CC2D2A: variants seen among roughly 807,000 people sequenced by gnomAD.
CC2D2A encodes the protein coiled-coil and C2 domain-containing protein 2A.
In CC2D2A, 155 loss-of-function variants were observed where a neutral mutation model predicts 212.9. The observed-to-expected ratio is 0.73, with a 90% CI of 0.64 to 0.83. CC2D2A has a LOEUF of 0.83. Among genes scored for constraint, CC2D2A ranks in the 40% least tolerant of loss-of-function variants. The pLI is 0.00. For synonymous variants in CC2D2A, 667 were observed against 686.5 expected (o/e 0.97, Z 0.44); for missense variants, 1,856 against 1,956.2 (o/e 0.95, Z 0.97).
In CC2D2A at chr4:15,567,756, G is replaced by C. The variant is rs377404804; in HGVS notation, c.3368G>C (p.Ser1123Thr). Residue 1123 changes from serine to threonine, a missense_variant, in exon 26 of 37, where the codon AGC (serine) becomes ACC (threonine). Ser to Thr is a moderately conservative substitution (Grantham distance 58). Transcript: ENST00000424120. ...ACTACGGCTGAAGGACCAAACCCTA[G>C]CTGGAATGAAGAACTAGAACTTCCA... ...HTTTAEGPNP[S>T]WNEELELPFR... is the part of the protein sequence containing the mutation. The C allele has an allele frequency of 1.4e-5, 23 of 1,598,652 alleles. No individual in the cohort carries two copies. The South Asian group carries it at 2.3e-4, about 16-fold the overall frequency.
At chr4:15,539,008 G>A (rs139013519) in intron 16 of CC2D2A, among the ~76,000 whole-genome samples, 2 of 151,910 alleles carry the variant, frequency 1.3e-5, no homozygotes, top group East Asian at 1.9e-4. Flanking sequence ...AGACCAGCCT[G>A]GGGAACAAAA....
At chr4:15,593,247 G>C (rs1203213823) in intron 33 of CC2D2A, among the ~76,000 whole-genome samples, 1 of 152,102 alleles carries the variant, frequency 6.6e-6, no homozygotes, top group Non-Finnish European at 1.5e-5. Context: ...CTACTTTTCT[G>C]AACATTCCCT....
intron 8 of CC2D2A, among the ~76,000 whole-genome samples, chr4:15,513,459 C>T (rs942553643): frequency 6.6e-6 from 1 of 152,222 alleles, no homozygotes; most frequent in Admixed American, 6.5e-5. Context: ...CACTTTCCTC[C>T]AAAGGCCACT....
At chr4:15,599,846 T>C (rs1721503289) in intron 36 of CC2D2A, 140 bp downstream of exon 36, 1 of 527,830 alleles carries the variant, frequency 1.9e-6, no homozygotes, top group South Asian at 6.9e-5. Context: ...CTAAAAACTG[T>C]GATCATAAGT....
intron 29 of CC2D2A, among the ~76,000 whole-genome samples, chr4:15,574,913 T>C (rs1293410796): frequency 1.3e-5 from 2 of 152,254 alleles, no homozygotes; most frequent in Non-Finnish European, 2.9e-5. Context: ...TTAAACCTAT[T>C]TATGCCTAGT....
chr4:15,541,333 A>C (rs1450912989), intron 17 of CC2D2A, among the ~76,000 whole-genome samples: 1 of 151,616 alleles, frequency 6.6e-6, no homozygotes, highest in South Asian at 2.1e-4. Flanking sequence ...CAATAGTAAT[A>C]ATAATTATTA....
chr4:15,567,668 G>T lies in CC2D2A; in HGVS notation c.3289-9G>T. The T allele has an allele frequency of 6.3e-7, 1 of 1,580,426 alleles. No homozygotes were observed. The highest frequency in any genetic ancestry group is 8.6e-7 in the Non-Finnish European group (1 of 1,166,488). On this transcript the variant is annotated splice_polypyrimidine_tract_variant and intron_variant, in intron 25 of 36. Coordinates refer to ENST00000424120, the MANE Select transcript of CC2D2A (RefSeq NM_001378615.1). ...CATTGGGAACTCAGAATTTGCTCTT[G>T]ATTTTAAGGTTTTAGTACGTCCCTT... is the stretch of plus-strand genomic sequence containing the variant.
rs57776583 is a variant in CC2D2A, at chr4:15,583,763, T to TAG, written c.3976-2393_3976-2392insGA. 7.9e-5 allele frequency among the ~76,000 whole-genome samples: 12 copies of TAG among 151,874 alleles called. No individual in the cohort carries two copies. In the East Asian group the frequency reaches 2.3e-3, roughly 29 times the overall value. Reference sequence around the variant, plus strand: ...AGGAGATCTAGACCATCCTGGCTAATATGGTGTAACCCCGTCTCTACTAAA... The same window carrying TAG: ...AGGAGATCTAGACCATCCTGGCTAATAGATGGTGTAACCCCGTCTCTACTAAA... On this transcript the variant is annotated intron_variant, in intron 30 of 36. Transcript: ENST00000424120.
At chr4:15,594,601 G>A (rs1258444298) in intron 33 of CC2D2A, among the ~76,000 whole-genome samples, 1 of 152,166 alleles carries the variant, frequency 6.6e-6, no homozygotes, top group African/African-American at 2.4e-5. Context: ...GGTAGGCTCA[G>A]AAGCCATACA....
chr4:15,498,883 CTA>C (rs1266776671), intron 4 of CC2D2A, among the ~76,000 whole-genome samples: 4 of 152,180 alleles, frequency 2.6e-5, no homozygotes, highest in Non-Finnish European at 5.9e-5. Flanking sequence ...TGGTTCCTTT[CTA>C]TGTTTTTCCT....
chr4:15,549,693 C>T (rs60813847), intron 17 of CC2D2A, among the ~76,000 whole-genome samples: 40,566 of 152,088 alleles, frequency 0.27, 5,634 homozygotes, highest in East Asian at 0.46. Context: ...ATCCCAGCTA[C>T]TTGCGGGGCT....
At position 15,562,671 on chromosome 4, in the gene CC2D2A, C is replaced by T. The variant is rs144029635; in HGVS notation, c.3015-684C>T. ...CTTTACACACACTTCCTTATTCAAT[C>T]CCTTCAACAATCCAAAGAAGTAGGT... On this transcript the variant is annotated intron_variant, in intron 23 of 36. Coordinates refer to ENST00000424120, the MANE Select transcript of CC2D2A (RefSeq NM_001378615.1). 2.0e-5 allele frequency among the ~76,000 whole-genome samples: 3 copies of T among 152,342 alleles called. No homozygotes were observed. In the East Asian group the frequency reaches 5.8e-4, roughly 29 times the overall value.
chr4:15,500,107 G>GTGTGTATATA lies in CC2D2A; in HGVS notation c.248-2321_248-2320insGTGTATATAT, dbSNP rs1479141284. Among the ~76,000 whole-genome samples the GTGTGTATATA allele has an allele frequency of 4.0e-3, 456 of 112,884 alleles. 4 individuals carry two copies. Among genetic ancestry groups the GTGTGTATATA allele is most frequent in the African/African-American group, 0.013 (364 of 27,498 alleles). 74.1% of individuals were successfully genotyped at this position (112,884 alleles called of 152,430 possible). ...TGTGTGTGTGTGTGTGTGTGTGTGT[G>GTGTGTATATA]TATATATATATATATATATATATAT... On this transcript the variant is annotated intron_variant, in intron 4 of 36. Transcript: ENST00000424120.
At chr4:15,521,776 G>T (rs1717217612) in intron 11 of CC2D2A, among the ~76,000 whole-genome samples, 2 of 152,202 alleles carry the variant, frequency 1.3e-5, no homozygotes, top group Admixed American at 1.3e-4. Context: ...TGTATTAAAA[G>T]AAATTCCTTC....
chr4:15,527,703 C>T (rs1345755570), intron 12 of CC2D2A, 47 bp downstream of exon 12: 1 of 1,412,580 alleles, frequency 7.1e-7, no homozygotes, highest in Admixed American at 2.0e-5. Flanking sequence ...GTTGGTTCTT[C>T]CAATGAGCCC....
At chr4:15,504,603 C>A (rs2109000401) in intron 6 of CC2D2A, among the ~76,000 whole-genome samples, 1 of 152,178 alleles carries the variant, frequency 6.6e-6, no homozygotes, top group African/African-American at 2.4e-5. Context: ...TGTCCATGGG[C>A]CACAAATACT....
intron 23 of CC2D2A, 108 bp from the exon 24 acceptor site, chr4:15,563,247 T>A: frequency 9.3e-7 from 1 of 1,079,066 alleles, no homozygotes; most frequent in Non-Finnish European, 1.3e-6. Context: ...GGACAAGGAG[T>A]TTTTCAGGGG....
In CC2D2A at chr4:15,486,066, T is replaced by C. The variant is rs367736047; in HGVS notation, c.247+5239T>C. On this transcript the variant is annotated intron_variant, in intron 4 of 36. Transcript: ENST00000424120. ...TTTATTATTGAATACAGTTGGCTAG[T>C]ATTTTGTTGATGATTTTTGCATCAG... 2.6e-5 allele frequency among the ~76,000 whole-genome samples: 4 copies of C among 152,162 alleles called. No homozygotes were observed. In the East Asian group the frequency reaches 5.8e-4, roughly 22 times the overall value.
At chr4:15,551,448 T>C (rs78805834) in intron 18 of CC2D2A, among the ~76,000 whole-genome samples, 3,062 of 152,322 alleles carry the variant, frequency 0.02, 54 homozygotes, top group Middle Eastern at 0.065. Flanking sequence ...TCCATGTTTC[T>C]TAACCTTTCT....
Sources: allele counts gnomAD v4.1 joint callset (sites outside exome capture counted in the v4.1 genomes callset), GRCh38; gene constraint gnomAD v4.1.1; transcripts MANE v1.5; gene names NCBI Gene and HGNC (gene_info 2026-07-23, HGNC 2026-07-21).